NSMCE2: variants seen among roughly 807,000 people sequenced by gnomAD.
NSMCE2 encodes NSE2 SUMO ligase component of SMC5/6 complex.
NSMCE2 carries 24 observed loss-of-function variants against 23.8 expected under a neutral mutation model. The observed-to-expected ratio is 1.01, with a 90% CI of 0.73 to 1.42. The LOEUF (loss-of-function observed/expected upper bound fraction) is 1.42. NSMCE2 is among the 40% of genes most tolerant of loss of function. The pLI is 0.00. For missense variants in NSMCE2, 284 were observed against 296.5 expected (o/e 0.96, Z 0.31); for synonymous variants, 92 against 94.1 (o/e 0.98, Z 0.13).
chr8:125,104,417 G>C (rs1038068647), intron 3 of NSMCE2, among the ~76,000 whole-genome samples: 2 of 152,256 alleles, frequency 1.3e-5, no homozygotes, highest in South Asian at 2.1e-4. Context: ...CTTTATGTTA[G>C]GGCTAATTTA....
intron 5 of NSMCE2, among the ~76,000 whole-genome samples, chr8:125,324,518 C>CAAAA (rs71295841): frequency 4.1e-5 from 2 of 49,036 alleles, no homozygotes; most frequent in Non-Finnish European, 7.0e-5. Context: ...GGTGCCAGAC[C>CAAAA]AAAAAAAAAA....
intron 5 of NSMCE2, among the ~76,000 whole-genome samples, chr8:125,292,766 G>A (rs1192038612): frequency 6.6e-6 from 1 of 152,152 alleles, no homozygotes; most frequent in Non-Finnish European, 1.5e-5. Flanking sequence ...AGAAAAATAA[G>A]AGCAAATCGA....
In NSMCE2 at chr8:125,311,340, T is replaced by A. The variant is rs546761525; in HGVS notation, c.419-45879T>A. The stretch of plus-strand genomic sequence containing the variant: ...AACCTAGAATCTTTGTAGAAATCTG[T>A]AAAAAAAAATGCGTAAATTGTATAG... On this transcript the variant is annotated intron_variant, in intron 5 of 7. Transcript: ENST00000287437. 1.4e-4 allele frequency among the ~76,000 whole-genome samples: 21 copies of A among 151,510 alleles called. No homozygotes were observed. In the South Asian group the frequency reaches 1.5e-3, roughly 11 times the overall value.
intron 5 of NSMCE2, among the ~76,000 whole-genome samples, chr8:125,308,622 C>T (rs1828851994): frequency 6.6e-6 from 1 of 152,158 alleles, no homozygotes; most frequent in South Asian, 2.1e-4. Context: ...TGTTTAACTT[C>T]CACAGAGTTG....
chr8:125,243,379 G>C (rs1234979334), intron 5 of NSMCE2, among the ~76,000 whole-genome samples: 5 of 152,032 alleles, frequency 3.3e-5, no homozygotes, highest in Admixed American at 3.3e-4. Flanking sequence ...ATTTTAAAGG[G>C]CCTTAAGCTG....
At chr8:125,183,627 A>G (rs1430476768) in intron 5 of NSMCE2, among the ~76,000 whole-genome samples, 1 of 139,418 alleles carries the variant, frequency 7.2e-6, no homozygotes, top group African/African-American at 3.1e-5. Flanking sequence ...GATATTTATT[A>G]CTCAGTGGTG....
intron 5 of NSMCE2, among the ~76,000 whole-genome samples, chr8:125,249,795 T>C (rs186429246): frequency 1.3e-5 from 2 of 152,248 alleles, no homozygotes; most frequent in African/African-American, 4.8e-5. Flanking sequence ...TGACATTGTT[T>C]TAGGTTTGGG....
At chr8:125,243,516 CTA>C (rs1276829199) in intron 5 of NSMCE2, among the ~76,000 whole-genome samples, 1 of 151,678 alleles carries the variant, frequency 6.6e-6, no homozygotes, top group African/African-American at 2.4e-5. Flanking sequence ...AAAAAAACCT[CTA>C]AATTTCTAAT....
At chr8:125,346,850 G>T (rs1282036905) in intron 5 of NSMCE2, among the ~76,000 whole-genome samples, 1 of 152,178 alleles carries the variant, frequency 6.6e-6, no homozygotes, top group Non-Finnish European at 1.5e-5. Flanking sequence ...TTAATAACAT[G>T]ATGTCAGCTG....
At chr8:125,314,589 C>T (rs1465988134) in intron 5 of NSMCE2, among the ~76,000 whole-genome samples, 2 of 152,168 alleles carry the variant, frequency 1.3e-5, no homozygotes, top group Non-Finnish European at 2.9e-5. Flanking sequence ...TGTGCTTGGC[C>T]GAGCCTTGCA....
intron 3 of NSMCE2, among the ~76,000 whole-genome samples, chr8:125,106,131 C>G (rs534068290): frequency 8.0e-4 from 121 of 152,088 alleles, no homozygotes; most frequent in Non-Finnish European, 1.1e-3. Context: ...AACCAAGTGA[C>G]TATTCTGCAT....
intron 4 of NSMCE2, among the ~76,000 whole-genome samples, chr8:125,154,782 T>A (rs1007599626): frequency 3.3e-5 from 5 of 152,204 alleles, no homozygotes; most frequent in Admixed American, 1.3e-4. Context: ...CACTTTTTTT[T>A]AATCACTATT....
At chr8:125,163,568 A>AATTGTAGATAAAACGAG (rs1417495404) in intron 4 of NSMCE2, among the ~76,000 whole-genome samples, 2 of 152,204 alleles carry the variant, frequency 1.3e-5, no homozygotes, top group Non-Finnish European at 2.9e-5. Flanking sequence ...CTCATTGGGC[A>AATTGTAGATAAAACGAG]ATTGTAGATA....
At chr8:125,305,012 AAAG>A (rs1473851209) in intron 5 of NSMCE2, among the ~76,000 whole-genome samples, 1 of 151,976 alleles carries the variant, frequency 6.6e-6, no homozygotes, top group African/African-American at 2.4e-5. Context: ...GGAAGGAAAG[AAAG>A]AAGGAAGGAA....
chr8:125,100,188 T>G (rs1386865208), intron 1 of NSMCE2, among the ~76,000 whole-genome samples: 1 of 152,114 alleles, frequency 6.6e-6, no homozygotes, highest in Admixed American at 6.5e-5. Context: ...ACTAGATCTT[T>G]CAGTGAGAGT....
At chr8:125,290,655 C>G (rs1828072716) in intron 5 of NSMCE2, among the ~76,000 whole-genome samples, 1 of 152,176 alleles carries the variant, frequency 6.6e-6, no homozygotes, top group African/African-American at 2.4e-5. Flanking sequence ...AGGTAGGTCA[C>G]AAGTCCAGTG....
Position 125,364,068 on chromosome 8 carries a change from C to T in NSMCE2, c.627-2700C>T, listed in dbSNP as rs575629398. On this transcript the variant is annotated intron_variant, in intron 7 of 7. Coordinates refer to ENST00000287437, the MANE Select transcript of NSMCE2 (RefSeq NM_173685.4). ...AAGTGATTTTCCTGCCTCAGCCTCA[C>T]GAGTAGCTGGGATTACAGGCATGCG... Among the ~76,000 whole-genome samples the T allele has an allele frequency of 1.7e-3, 260 of 152,116 alleles. 1 individual carries two copies. The highest frequency in any genetic ancestry group is 5.9e-3 in the African/African-American group (246 of 41,504).
intron 4 of NSMCE2, among the ~76,000 whole-genome samples, chr8:125,154,129 C>T (rs186761351): frequency 8.5e-5 from 13 of 152,198 alleles, no homozygotes; most frequent in African/African-American, 1.2e-4. Context: ...GCGATACTTC[C>T]GTTACTATAA....
chr8:125,291,632 ATTGTTTCCAGTGATCT>A (rs1489628919), intron 5 of NSMCE2, among the ~76,000 whole-genome samples: 2 of 152,198 alleles, frequency 1.3e-5, no homozygotes, highest in Admixed American at 1.3e-4. Context: ...TGATGGAAAG[ATTGTTTCCAGTGATCT>A]TAGTGATGGT....
Sources: allele counts gnomAD v4.1 joint callset (sites outside exome capture counted in the v4.1 genomes callset), GRCh38; gene constraint gnomAD v4.1.1; transcripts MANE v1.5; gene names NCBI Gene and HGNC (gene_info 2026-07-23, HGNC 2026-07-21).